The following A1CF variants were observed in gnomAD, a reference collection of about 807,000 sequenced individuals.
A1CF encodes APOBEC1 complementation factor.
A1CF carries 48 observed loss-of-function variants against 68.9 expected under a neutral mutation model. The ratio of observed to expected loss-of-function variants is 0.70; its 90% CI spans 0.55 to 0.89. A1CF has a LOEUF of 0.89. Ranked by LOEUF, A1CF falls within the 40% of genes least tolerant of loss-of-function variation. A1CF has a pLI of 0.00. For synonymous variants in A1CF, 272 were observed against 260.4 expected (o/e 1.04, Z -0.43); for missense variants, 653 against 718.9 (o/e 0.91, Z 1.05).
chr10:50,812,475 C>T (rs991122491), intron 10 of A1CF, among the ~76,000 whole-genome samples: 10 of 152,192 alleles, frequency 6.6e-5, no homozygotes, highest in Non-Finnish European at 1.3e-4. Context: ...GAATTTCTAA[C>T]TTGAGTTTAA....
chr10:50,816,546 G>T, intron 8 of A1CF: 1 of 383,240 alleles, frequency 2.6e-6, no homozygotes. Context: ...TTTACAATCT[G>T]GTTACAGTCA....
intron 3 of A1CF, among the ~76,000 whole-genome samples, chr10:50,854,961 A>G (rs1434247365): frequency 1.3e-5 from 2 of 151,890 alleles, no homozygotes; most frequent in Non-Finnish European, 2.9e-5. Flanking sequence ...TATATATATT[A>G]GATATAATGA....
At chr10:50,877,809 G>T (rs1049384096) in intron 1 of A1CF, among the ~76,000 whole-genome samples, 7 of 152,188 alleles carry the variant, frequency 4.6e-5, no homozygotes, top group African/African-American at 1.7e-4. Flanking sequence ...CTGTGATAGG[G>T]AGTGTCTCTG....
intron 3 of A1CF, among the ~76,000 whole-genome samples, chr10:50,857,201 A>G (rs551432037): frequency 1.3e-5 from 2 of 152,268 alleles, no homozygotes; most frequent in Admixed American, 1.3e-4. Flanking sequence ...ATAATTGTAC[A>G]CATTTAAGGA....
intron 5 of A1CF, among the ~76,000 whole-genome samples, chr10:50,839,806 G>A (rs917782745): frequency 6.6e-6 from 1 of 152,150 alleles, no homozygotes; most frequent in African/African-American, 2.4e-5. Flanking sequence ...GGAGAGCAGT[G>A]GTGTGATCTC....
chr10:50,850,192 A>C (rs907871025), intron 3 of A1CF, among the ~76,000 whole-genome samples: 29 of 152,352 alleles, frequency 1.9e-4, no homozygotes, highest in African/African-American at 7.0e-4. Context: ...CTATGAGTAA[A>C]TTATGAGTCA....
intron 1 of A1CF, among the ~76,000 whole-genome samples, chr10:50,864,861 G>A (rs887849924): frequency 4.6e-5 from 7 of 152,020 alleles, no homozygotes; most frequent in Non-Finnish European, 8.8e-5. Context: ...CAGGTGATCC[G>A]CCAGCCTTGG....
chr10:50,858,821 T>C (rs1840606207), intron 3 of A1CF, among the ~76,000 whole-genome samples: 1 of 152,116 alleles, frequency 6.6e-6, no homozygotes, highest in Non-Finnish European at 1.5e-5. Flanking sequence ...CTCCATGGAC[T>C]TAAGTGAAAC....
intron 6 of A1CF, among the ~76,000 whole-genome samples, chr10:50,830,163 G>A (rs780279403): frequency 5.9e-5 from 9 of 151,944 alleles, no homozygotes; most frequent in South Asian, 4.1e-4. Flanking sequence ...ACTTTGTATC[G>A]TTTGACCAAT....
At chr10:50,866,044 G>T (rs866847792) in intron 1 of A1CF, among the ~76,000 whole-genome samples, 2 of 152,182 alleles carry the variant, frequency 1.3e-5, no homozygotes, top group African/African-American at 4.8e-5. Context: ...AAATTACAGA[G>T]ACTTGCAGTC....
intron 5 of A1CF, among the ~76,000 whole-genome samples, chr10:50,839,272 A>G (rs1006100579): frequency 6.6e-6 from 1 of 152,224 alleles, no homozygotes; most frequent in Non-Finnish European, 1.5e-5. Context: ...GATTCCCTAC[A>G]TAGCCAATTC....
chr10:50,846,458 C>T (rs956489346), intron 3 of A1CF, among the ~76,000 whole-genome samples: 1 of 152,116 alleles, frequency 6.6e-6, no homozygotes, highest in Non-Finnish European at 1.5e-5. Flanking sequence ...TGCTTCTGAG[C>T]CCATTTTTAT....
At chr10:50,867,678 T>C (rs963220796) in intron 1 of A1CF, among the ~76,000 whole-genome samples, 1 of 152,110 alleles carries the variant, frequency 6.6e-6, no homozygotes, top group Non-Finnish European at 1.5e-5. Context: ...TATAAGTTTA[T>C]ACAAACAAAA....
At chr10:50,807,444 C>T (rs996920498) in intron 12 of A1CF, among the ~76,000 whole-genome samples, 1 of 152,138 alleles carries the variant, frequency 6.6e-6, no homozygotes, top group Non-Finnish European at 1.5e-5. Flanking sequence ...ACCTTAAAAG[C>T]AAATGCCTAA....
chr10:50,839,938 C>T (rs1375390345), intron 5 of A1CF, among the ~76,000 whole-genome samples: 1 of 152,152 alleles, frequency 6.6e-6, no homozygotes, highest in Non-Finnish European at 1.5e-5. Context: ...GATGAGGTTT[C>T]TCCAGGTTGG....
chr10:50,811,900 A>G (rs1246060742), intron 10 of A1CF, among the ~76,000 whole-genome samples: 1 of 152,154 alleles, frequency 6.6e-6, no homozygotes, highest in Non-Finnish European at 1.5e-5. Flanking sequence ...AGAGGTCCTG[A>G]TGCTCTCGTT....
chr10:50,874,630 C>T (rs1465724184), intron 1 of A1CF, among the ~76,000 whole-genome samples: 4 of 152,106 alleles, frequency 2.6e-5, no homozygotes, highest in African/African-American at 9.7e-5. Flanking sequence ...CTTTTTTATC[C>T]CATGCCCCCA....
At chr10:50,825,468 T>TG (rs1258332611) in intron 7 of A1CF, among the ~76,000 whole-genome samples, 1 of 152,174 alleles carries the variant, frequency 6.6e-6, no homozygotes, top group Non-Finnish European at 1.5e-5. Flanking sequence ...CAAAAGACTT[T>TG]GATAAGTTCC....
At chr10:50,836,463 A>C in intron 5 of A1CF, 151 bp from the exon 6 acceptor site, 1 of 801,908 alleles carries the variant, frequency 1.2e-6, no homozygotes, top group South Asian at 2.0e-5. Context: ...CTTCTTTTGC[A>C]AGATTATTAG....
Sources: allele counts gnomAD v4.1 joint callset (sites outside exome capture counted in the v4.1 genomes callset), GRCh38; gene constraint gnomAD v4.1.1; transcripts MANE v1.5; gene names NCBI Gene and HGNC (gene_info 2026-07-23, HGNC 2026-07-21).